Variants in CLEC7A observed in about 807,000 individuals in gnomAD.
CLEC7A encodes C-type lectin domain containing 7A, also known as C-type lectin domain family 7 member A.
A neutral mutation model predicts 26.9 loss-of-function variants in CLEC7A; 25 were observed. The ratio of observed to expected loss-of-function variants is 0.93; its 90% CI spans 0.68 to 1.30. The LOEUF (loss-of-function observed/expected upper bound fraction) is 1.30, where lower values mean the gene tolerates loss of function less well. CLEC7A is among the 50% of genes most tolerant of loss of function. CLEC7A has a pLI of 0.00. For synonymous variants in CLEC7A, 100 were observed against 99.5 expected, an observed-to-expected ratio of 1.01 and a Z score of -0.03; for missense variants, 275 against 286.7, an observed-to-expected ratio of 0.96 and a Z score of 0.29.
At chr12:10,127,879 G>A (rs1428714819) in intron 1 of CLEC7A, 34 bp from the exon 2 acceptor site, 1 of 1,388,882 alleles carries the variant, frequency 7.2e-7, no homozygotes, top group African/African-American at 1.5e-5. Context: ...ATGGAATAAA[G>A]AAAGAGAATG....
chr12:10,126,823 T>C (rs1948302748), intron 2 of CLEC7A, 115 bp from the exon 3 acceptor site: 2 of 828,198 alleles, frequency 2.4e-6, no homozygotes, highest in African/African-American at 3.5e-5. Flanking sequence ...TATTGATTAA[T>C]GATAAATAGA....
intron 4 of CLEC7A, among the ~76,000 whole-genome samples, 164 bp from the exon 5 acceptor site, chr12:10,123,527 C>T (rs1294600848): frequency 6.6e-6 from 1 of 150,738 alleles, no homozygotes; most frequent in Admixed American, 6.6e-5. Flanking sequence ...TTTGGGAGGC[C>T]GAGGCGGGTA....
chr12:10,126,387 T>A, intron 3 of CLEC7A, 184 bp downstream of exon 3: 1 of 979,912 alleles, frequency 1.0e-6, no homozygotes, highest in Non-Finnish European at 1.2e-6. Context: ...ATAGGGTACT[T>A]ATAATTTCAC....
At chr12:10,125,934 T>G (rs1329412287) in intron 3 of CLEC7A, among the ~76,000 whole-genome samples, 1 of 152,160 alleles carries the variant, frequency 6.6e-6, no homozygotes, top group Non-Finnish European at 1.5e-5. Context: ...ATAAAAATAG[T>G]GAGAAGGTAT....
chr12:10,125,212 G>A (rs1196513044), intron 4 of CLEC7A, 85 bp downstream of exon 4: 1 of 1,176,290 alleles, frequency 8.5e-7, no homozygotes, highest in African/African-American at 1.6e-5. Flanking sequence ...CTTCATTTTA[G>A]GAAAAATTGT....
intron 5 of CLEC7A, among the ~76,000 whole-genome samples, chr12:10,121,963 G>A (rs1008505697): frequency 1.3e-5 from 2 of 151,956 alleles, no homozygotes; most frequent in African/African-American, 2.4e-5. Flanking sequence ...AGCCGAGATC[G>A]CCATTGCACT....
intron 4 of CLEC7A, 143 bp downstream of exon 4, chr12:10,125,154 T>A (rs781159759): frequency 1.2e-6 from 1 of 819,536 alleles, no homozygotes; most frequent in Admixed American, 2.1e-5. Context: ...GCACTCTAGC[T>A]TGGGCAACAG....
rs1456788275 is a variant in CLEC7A at position 10,126,442 on chromosome 12, A to G, written c.340+129T>C. On this transcript the variant is annotated intron_variant, in intron 3 of 5. Coordinates refer to ENST00000304084, the MANE Select transcript of CLEC7A (RefSeq NM_197947.3). ...GGATACATTACACTAAGGTAATACT[A>G]ATATGTGTATTTGCCTTAAATTTAC... 7 of 1,443,958 alleles carry G rather than the reference A, an allele frequency of 4.8e-6. No homozygotes were observed. The Admixed American group carries it at 1.6e-4, about 33-fold the overall frequency. 89.4% of individuals were successfully genotyped at this position (1,443,958 alleles called of 1,614,324 possible).
chr12:10,123,149 C>A, intron 5 of CLEC7A, 96 bp downstream of exon 5: 1 of 731,830 alleles, frequency 1.4e-6, no homozygotes, highest in South Asian at 1.6e-5. Flanking sequence ...ATATGGTGAG[C>A]AAATCAGGTT....
rs199729236 is a variant in CLEC7A, at chr12:10,123,411, A to G, written c.493-48T>C. 3.5e-4 allele frequency: 388 copies of G among 1,120,890 alleles called. 1 individual carries two copies. The highest frequency in any genetic ancestry group is 1.8e-3 in the Middle Eastern group (9 of 4,988). 69.4% of individuals were successfully genotyped at this position (1,120,890 alleles called of 1,614,324 possible). A position where few individuals can be genotyped will look rare whatever the true frequency, so the allele number is the denominator to read the frequency against. Reference sequence around the variant, plus strand: ...ATATAATAAAGAGAGAGAGAGAGAGAGAAAGAAACTATTATCATGGACGCT... The same window carrying G: ...ATATAATAAAGAGAGAGAGAGAGAGGGAAAGAAACTATTATCATGGACGCT... On this transcript the variant is annotated intron_variant, in intron 4 of 5. Transcript: ENST00000304084.
intron 1 of CLEC7A, among the ~76,000 whole-genome samples, chr12:10,129,471 G>C (rs1021295459): frequency 4.6e-5 from 7 of 151,934 alleles, no homozygotes; most frequent in African/African-American, 1.7e-4. Context: ...CTAATAATTG[G>C]TCACTGAATA....
chr12:10,122,487 T>TC (rs1948120804), intron 5 of CLEC7A, among the ~76,000 whole-genome samples: 2 of 133,462 alleles, frequency 1.5e-5, no homozygotes, highest in African/African-American at 6.9e-5. Context: ...TTTTTTTCTT[T>TC]TTTTTTTTTT....
At chr12:10,126,913 G>C in intron 2 of CLEC7A, 2 of 388,162 alleles carry the variant, frequency 5.2e-6, no homozygotes, top group South Asian at 3.4e-5. Context: ...AGGAGGTATA[G>C]TAAAAAAAAA....
intron 3 of CLEC7A, 106 bp from the exon 4 acceptor site, chr12:10,125,554 C>A: frequency 2.3e-6 from 2 of 853,386 alleles, no homozygotes; most frequent in Non-Finnish European, 3.3e-6. Flanking sequence ...CAATTAGTTG[C>A]CATTTTTATA....
At chr12:10,124,971 CAG>C (rs928059670) in intron 4 of CLEC7A, 5 of 273,666 alleles carry the variant, frequency 1.8e-5, no homozygotes, top group African/African-American at 9.0e-5. Context: ...TCGAGGTAGG[CAG>C]ATCGCTTGTG....
At chr12:10,127,598 G>A in intron 2 of CLEC7A, 149 bp downstream of exon 2, 1 of 917,600 alleles carries the variant, frequency 1.1e-6, no homozygotes, top group Non-Finnish European at 1.8e-6. Flanking sequence ...AAGTGAAATG[G>A]GCATTAACAG....
At chr12:10,127,276 A>G in intron 2 of CLEC7A, 1 of 1,456,940 alleles carries the variant, frequency 6.9e-7, no homozygotes, top group Non-Finnish European at 9.2e-7. Context: ...TGTTTATATT[A>G]AAGATCGGAA....
At position 10,126,728 on chromosome 12, in the gene CLEC7A, T is replaced by A. The variant is rs1948299221; in HGVS notation, c.203-20A>T. Reference sequence around the variant, plus strand: ...AAATAGCTTCACATACCAACAATAATAATAGTGACAGAAAAAATGTCATTC... The same window carrying A: ...AAATAGCTTCACATACCAACAATAAAAATAGTGACAGAAAAAATGTCATTC... On this transcript the variant is annotated intron_variant, in intron 2 of 5. Coordinates refer to ENST00000304084, the MANE Select transcript of CLEC7A (RefSeq NM_197947.3). The A allele has an allele frequency of 1.9e-6, 3 of 1,577,786 alleles. No individual in the cohort carries two copies. Among genetic ancestry groups the A allele is most frequent in the Non-Finnish European group, 2.6e-6 (3 of 1,158,280 alleles).
At position 10,123,248 on chromosome 12, in the gene CLEC7A, T is replaced by G. The variant is rs1257143815; in HGVS notation, c.608A>C (p.Asn203Thr). The G allele has an allele frequency of 1.3e-6, 2 of 1,582,512 alleles. No individual in the cohort carries two copies. The highest frequency in any genetic ancestry group is 2.7e-5 in the African/African-American group (2 of 74,262). The change falls in exon 5 of 6, where the codon AAC (asparagine) becomes ACC (threonine). Residue 203 changes from asparagine (N) to threonine (T), a missense_variant. By Grantham distance (65) the Asn-to-Thr change is moderately conservative (BLOSUM62 0). Transcript: ENST00000304084. ...CATTGTCTCTCCAAACACTTACAAG[T>G]TAGAAGAGAATGTTGATCCATCCTC... ...LWEDGSTFSS[N>T]LFQIRTTATQ...
Sources: gnomAD v4.1 joint callset for allele counts (sites outside exome capture counted in the v4.1 genomes callset) on GRCh38, gnomAD v4.1.1 for gene constraint, MANE v1.5 for transcripts, NCBI Gene and HGNC (gene_info 2026-07-23, HGNC 2026-07-21) for gene names.